Variants in LHFPL4 observed in about 807,000 individuals in gnomAD.
LHFPL4 encodes LHFPL tetraspan subfamily member 4.
A neutral mutation model predicts 20.0 loss-of-function variants in LHFPL4; 6 were observed. The observed-to-expected ratio is 0.30, with a 90% CI of 0.16 to 0.59. The LOEUF is 0.59. Among genes scored for constraint, LHFPL4 ranks in the 20% least tolerant of loss-of-function variants. LHFPL4 has a pLI of 0.88. For synonymous variants in LHFPL4, 129 were observed against 143.8 expected (o/e 0.90, Z 0.74); for missense variants, 215 against 331.2 (o/e 0.65, Z 2.72).
At chr3:9,535,398 A>G (rs1219392039) in intron 2 of LHFPL4, among the ~76,000 whole-genome samples, 1 of 152,160 alleles carries the variant, frequency 6.6e-6, no homozygotes, top group Non-Finnish European at 1.5e-5. Context: ...GGGTCACACA[A>G]CTGGTAAGTT....
intron 2 of LHFPL4, among the ~76,000 whole-genome samples, chr3:9,526,026 A>G (rs1403353358): frequency 2.6e-5 from 4 of 152,214 alleles, no homozygotes; most frequent in East Asian, 3.8e-4. Flanking sequence ...TATACATACA[A>G]TGAAATATAT....
chr3:9,553,488 C>T (rs988363295), intron 1 of LHFPL4, among the ~76,000 whole-genome samples, 197 bp downstream of exon 1: 2 of 151,132 alleles, frequency 1.3e-5, no homozygotes, highest in African/African-American at 4.9e-5. Flanking sequence ...GAGGGGGTTT[C>T]CAGGCCAAAG....
chr3:9,530,669 A>G (rs1298694219), intron 2 of LHFPL4, among the ~76,000 whole-genome samples: 2 of 151,864 alleles, frequency 1.3e-5, no homozygotes, highest in African/African-American at 4.8e-5. Context: ...AACTTGGCCA[A>G]CTTGCACAAG....
At chr3:9,523,415 A>AAAGAAT (rs1329167013) in intron 2 of LHFPL4, among the ~76,000 whole-genome samples, 1 of 146,690 alleles carries the variant, frequency 6.8e-6, no homozygotes, top group Non-Finnish European at 1.5e-5. Flanking sequence ...AGAAAAAGAA[A>AAAGAAT]AAGAAAAGTC....
chr3:9,503,671 T>C (rs2125654550), intron 3 of LHFPL4, among the ~76,000 whole-genome samples: 1 of 152,374 alleles, frequency 6.6e-6, no homozygotes, highest in African/African-American at 2.4e-5. Flanking sequence ...GCCTTTTTTC[T>C]TTATTGTATT....
At chr3:9,547,984 T>C (rs1209737001) in intron 2 of LHFPL4, among the ~76,000 whole-genome samples, 2 of 152,126 alleles carry the variant, frequency 1.3e-5, no homozygotes, top group Non-Finnish European at 2.9e-5. Flanking sequence ...TTTTGTATTA[T>C]TTGTAGAGAC....
rs769208474 is a variant in LHFPL4, at chr3:9,552,647, G to A, written c.33C>T (p.Tyr11=). The part of the protein sequence containing the change: MLPSQEASKL[Y]HEHYMRNSRA... The stretch of plus-strand genomic sequence containing the variant: ...GCGAGTTCCGCATGTAGTGCTCGTG[G>A]TAGAGCTTGGAGGCCTCCTGCGAGG... Residue 11 remains tyrosine (Y), a synonymous_variant, in exon 2 of 4, where the codon TAC becomes TAT. Coordinates refer to ENST00000287585, the MANE Select transcript of LHFPL4 (RefSeq NM_198560.3). The A allele has an allele frequency of 6.2e-7, 1 of 1,612,820 alleles. No individual in the cohort carries two copies. The highest frequency in any genetic ancestry group is 8.5e-7 in the Non-Finnish European group (1 of 1,179,582).
chr3:9,513,046 G>A (rs1414169083), intron 2 of LHFPL4, among the ~76,000 whole-genome samples: 1 of 151,886 alleles, frequency 6.6e-6, no homozygotes, highest in South Asian at 2.1e-4. Flanking sequence ...TGCAAGCTCC[G>A]CCTCCTGGAT....
At chr3:9,535,246 C>T (rs1446912322) in intron 2 of LHFPL4, among the ~76,000 whole-genome samples, 1 of 152,110 alleles carries the variant, frequency 6.6e-6, no homozygotes, top group African/African-American at 2.4e-5. Context: ...TAGAATTTAC[C>T]ATGCCAGGCA....
intron 2 of LHFPL4, among the ~76,000 whole-genome samples, chr3:9,536,853 A>G (rs2046447191): frequency 6.6e-6 from 1 of 151,004 alleles, no homozygotes; most frequent in Non-Finnish European, 1.5e-5. Flanking sequence ...TGAGAGGCAG[A>G]GCTTGCAGTG....
At chr3:9,535,076 C>T (rs2046436898) in intron 2 of LHFPL4, among the ~76,000 whole-genome samples, 1 of 152,080 alleles carries the variant, frequency 6.6e-6, no homozygotes, top group Admixed American at 6.6e-5. Context: ...CTCTTTCATA[C>T]CACAGAGTAC....
intron 2 of LHFPL4, among the ~76,000 whole-genome samples, chr3:9,516,385 C>G (rs555192149): frequency 9.4e-4 from 143 of 152,176 alleles, no homozygotes; most frequent in Non-Finnish European, 1.8e-3. Context: ...CAAAGATCAA[C>G]TGACTGTATT....
intron 2 of LHFPL4, among the ~76,000 whole-genome samples, chr3:9,510,208 T>G (rs755525547): frequency 2.6e-5 from 4 of 152,042 alleles, no homozygotes; most frequent in Non-Finnish European, 4.4e-5. Flanking sequence ...CCCAGTACTT[T>G]GGGAGGCCGA....
intron 2 of LHFPL4, among the ~76,000 whole-genome samples, chr3:9,538,345 G>A (rs1424429815): frequency 6.6e-6 from 1 of 152,114 alleles, no homozygotes; most frequent in Non-Finnish European, 1.5e-5. Context: ...CCACTGTCAA[G>A]GCCCTCCATA....
intron 2 of LHFPL4, among the ~76,000 whole-genome samples, chr3:9,518,609 T>C (rs2046318125): frequency 6.6e-6 from 1 of 152,220 alleles, no homozygotes; most frequent in African/African-American, 2.4e-5. Context: ...TGCCTATTTC[T>C]TCTTGTGTGA....
chr3:9,532,609 A>T (rs2046416888), intron 2 of LHFPL4, among the ~76,000 whole-genome samples: 4 of 152,328 alleles, frequency 2.6e-5, no homozygotes, highest in African/African-American at 9.6e-5. Context: ...TGCTGGGGTT[A>T]CATGCATGAG....
At chr3:9,534,216 TA>T (rs774766910) in intron 2 of LHFPL4, among the ~76,000 whole-genome samples, 334 of 141,694 alleles carry the variant, frequency 2.4e-3, no homozygotes, top group Middle Eastern at 7.1e-3. Context: ...GACCTTTTCT[TA>T]AAAAAAAAAA....
At chr3:9,528,245 C>CT (rs1181368690) in intron 2 of LHFPL4, among the ~76,000 whole-genome samples, 1 of 152,204 alleles carries the variant, frequency 6.6e-6, no homozygotes, top group Non-Finnish European at 1.5e-5. Flanking sequence ...AATCAATCCT[C>CT]TTAAATGCTA....
At position 9,552,863 on chromosome 3, in the gene LHFPL4, A is replaced by G. The variant is rs540509533; in HGVS notation, c.-168-16T>C. ...CTGGGAGCTGCTAAGGGAGAGAGGA[A>G]GGGGTCATGAGAGTGTTGAGGCCGT... On this transcript the variant is annotated splice_polypyrimidine_tract_variant and intron_variant, in intron 1 of 3. Transcript: ENST00000287585. The G allele has an allele frequency of 8.7e-4, 143 of 164,280 alleles. 1 individual carries two copies. In the South Asian group the frequency reaches 9.8e-3, roughly 11 times the overall value. 10.2% of individuals were successfully genotyped at this position (164,280 alleles called of 1,614,324 possible).
Sources: gnomAD v4.1 joint callset for allele counts (sites outside exome capture counted in the v4.1 genomes callset) on GRCh38, gnomAD v4.1.1 for gene constraint, MANE v1.5 for transcripts, NCBI Gene and HGNC (gene_info 2026-07-23, HGNC 2026-07-21) for gene names.